Variants in BCAS3 observed in about 807,000 individuals in gnomAD.
BCAS3 encodes BCAS3 microtubule associated cell migration factor.
In BCAS3, 53 loss-of-function variants were observed where a neutral mutation model predicts 116.1. The observed-to-expected ratio is 0.46, with a 90% CI of 0.37 to 0.57. BCAS3 has a LOEUF of 0.57. Among genes scored for constraint, BCAS3 ranks in the 20% least tolerant of loss-of-function variants. The pLI is 0.00. For missense variants in BCAS3, 917 were observed against 1,165.4 expected, an observed-to-expected ratio of 0.79 and a Z score of 3.10; for synonymous variants, 391 against 408.2, an observed-to-expected ratio of 0.96 and a Z score of 0.51.
chr17:61,330,328 G>A (rs965681171), intron 22 of BCAS3, among the ~76,000 whole-genome samples: 15 of 132,956 alleles, frequency 1.1e-4, no homozygotes, highest in Non-Finnish European at 2.2e-4. Flanking sequence ...GCGCAATCAC[G>A]GCTCACTGCA....
intron 6 of BCAS3, among the ~76,000 whole-genome samples, chr17:60,777,355 T>C (rs535457500): frequency 6.6e-5 from 10 of 152,174 alleles, no homozygotes; most frequent in Non-Finnish European, 1.3e-4. Context: ...CCCAGCGTGG[T>C]GCCTCATGCC....
At chr17:60,989,821 T>A in intron 14 of BCAS3, 150 bp from the exon 15 acceptor site, 2 of 783,172 alleles carry the variant, frequency 2.6e-6, no homozygotes, top group Non-Finnish European at 4.1e-6. Context: ...GTGAAATGCA[T>A]CTGTAGAGTA....
intron 22 of BCAS3, among the ~76,000 whole-genome samples, chr17:61,216,515 T>TATTTTA (rs1168493031): frequency 2.6e-5 from 2 of 77,926 alleles, no homozygotes; most frequent in African/African-American, 9.8e-5. Context: ...AATAAGTATG[T>TATTTTA]GTTTATTTTA....
chr17:60,747,360 A>G (rs919232085), intron 6 of BCAS3, 81 bp downstream of exon 6: 5 of 1,151,760 alleles, frequency 4.3e-6, no homozygotes, highest in Non-Finnish European at 5.1e-6. Context: ...AGCAAGAATG[A>G]TAACTAAAGT....
chr17:61,306,634 G>A (rs1159783215), intron 22 of BCAS3, among the ~76,000 whole-genome samples: 2 of 151,980 alleles, frequency 1.3e-5, no homozygotes, highest in African/African-American at 4.8e-5. Context: ...AAATTAGCTG[G>A]GCATGGTGGT....
chr17:60,850,895 A>G lies in BCAS3; in HGVS notation c.477-17681A>G, dbSNP rs191746707. On this transcript the variant is annotated intron_variant, in intron 7 of 23. Coordinates refer to ENST00000407086, the MANE Select transcript of BCAS3 (RefSeq NM_017679.5). Reference sequence around the variant, plus strand: ...ATGTCATCTCTTCCTAAGTTGATCTATGCATTCAGTGCAATTCCTATAAAA... The same window carrying G: ...ATGTCATCTCTTCCTAAGTTGATCTGTGCATTCAGTGCAATTCCTATAAAA... Among the ~76,000 whole-genome samples the G allele has an allele frequency of 3.3e-5, 5 of 152,340 alleles. No individual in the cohort carries two copies. In the East Asian group the frequency reaches 9.6e-4, roughly 29 times the overall value.
chr17:61,011,924 T>C (rs1225341505), intron 15 of BCAS3, among the ~76,000 whole-genome samples: 1 of 152,096 alleles, frequency 6.6e-6, no homozygotes, highest in African/African-American at 2.4e-5. Flanking sequence ...TGGTCTAAGC[T>C]AGCTCTTTCA....
At chr17:60,860,741 T>C (rs1225895225) in intron 7 of BCAS3, among the ~76,000 whole-genome samples, 1 of 152,232 alleles carries the variant, frequency 6.6e-6, no homozygotes. Flanking sequence ...ATTTATTGAA[T>C]AGGGAGTTTT....
chr17:60,708,085 A>G (rs1015619820), intron 4 of BCAS3, among the ~76,000 whole-genome samples: 9 of 152,080 alleles, frequency 5.9e-5, no homozygotes, highest in Non-Finnish European at 1.2e-4. Flanking sequence ...GCACTTTGGG[A>G]AGCCGAGGCA....
At chr17:60,682,323 A>G (rs1344704929) in intron 2 of BCAS3, among the ~76,000 whole-genome samples, 1 of 152,196 alleles carries the variant, frequency 6.6e-6, no homozygotes, top group Non-Finnish European at 1.5e-5. Context: ...TTGAAGTTGC[A>G]TATGGCTGAA....
At chr17:60,922,823 C>T (rs2059176515) in intron 12 of BCAS3, among the ~76,000 whole-genome samples, 1 of 152,070 alleles carries the variant, frequency 6.6e-6, no homozygotes, top group Admixed American at 6.5e-5. Context: ...GGAAATAAAA[C>T]GCACTTGTAA....
At chr17:60,966,564 A>G (rs1403728215) in intron 14 of BCAS3, among the ~76,000 whole-genome samples, 2 of 152,182 alleles carry the variant, frequency 1.3e-5, no homozygotes, top group Admixed American at 6.5e-5. Flanking sequence ...TATTTTAAAG[A>G]GACTACAACT....
intron 22 of BCAS3, among the ~76,000 whole-genome samples, chr17:61,223,278 C>T (rs1436125397): frequency 6.6e-6 from 1 of 151,690 alleles, no homozygotes; most frequent in African/African-American, 2.4e-5. Flanking sequence ...CTGCCTCAGC[C>T]CCCCAATAGC....
At chr17:60,963,745 C>G (rs1012084755) in intron 14 of BCAS3, among the ~76,000 whole-genome samples, 1 of 152,020 alleles carries the variant, frequency 6.6e-6, no homozygotes, top group African/African-American at 2.4e-5. Context: ...TTAGTAGAGA[C>G]AGGCTTTCAC....
chr17:60,879,660 G>C (rs541381247), intron 9 of BCAS3, among the ~76,000 whole-genome samples: 1 of 152,334 alleles, frequency 6.6e-6, no homozygotes, highest in South Asian at 2.1e-4. Context: ...GAGATCAAAG[G>C]AGTGTACAGT....
chr17:60,874,342 GATTGT>G (rs1186435019), intron 8 of BCAS3, among the ~76,000 whole-genome samples: 1 of 152,206 alleles, frequency 6.6e-6, no homozygotes, highest in Non-Finnish European at 1.5e-5. Context: ...GGAATGTTGG[GATTGT>G]AGGCATGAGC....
chr17:60,772,745 T>C (rs999822090), intron 6 of BCAS3, among the ~76,000 whole-genome samples: 1 of 151,876 alleles, frequency 6.6e-6, no homozygotes, highest in African/African-American at 2.4e-5. Flanking sequence ...CTGGGTGTGG[T>C]GGTGTGTGTT....
chr17:60,868,550 ATTTTTCTTTCT>A lies in BCAS3; in HGVS notation c.477-16_477-6del, dbSNP rs2054832421. 6 of 1,444,848 alleles carry A rather than the reference ATTTTTCTTTCT, an allele frequency of 4.2e-6. No homozygotes were observed. Among genetic ancestry groups the A allele is most frequent in the Non-Finnish European group, 4.7e-6 (5 of 1,075,006 alleles). The allele number at this position is 1,444,848 out of a possible 1,614,324, so 89.5% of individuals were successfully genotyped here. ...GGTCTTTCTTTTTTAAAAAAATGAC[ATTTTTCTTTCT>A]TTTTTCTTTTTTAGCACAAGCCCAC... is the stretch of plus-strand genomic sequence containing the variant. On this transcript the variant is annotated splice_polypyrimidine_tract_variant and intron_variant, in intron 7 of 23. Transcript: ENST00000407086.
rs1022997819 is a variant in BCAS3 at position 61,145,325 on chromosome 17, G to A, written c.2425+60761G>A. Among the ~76,000 whole-genome samples the A allele has an allele frequency of 1.3e-5, 2 of 152,192 alleles. No homozygotes were observed. The highest frequency in any genetic ancestry group is 4.8e-5 in the African/African-American group (2 of 41,440). On this transcript the variant is annotated intron_variant, in intron 22 of 23. Transcript: ENST00000407086. The surrounding 1 kb of genome is among the most constrained non-coding windows in gnomAD (Gnocchi z 5.0). ...GTTCACATCCTGGGGCAGCAGCGGG[G>A]TCTGGCCTGCAGAAAGGAGCAGCCT...
Sources: gnomAD v4.1 joint callset for allele counts (sites outside exome capture counted in the v4.1 genomes callset) on GRCh38, gnomAD v4.1.1 for gene constraint, Gnocchi (gnomAD v3.1) non-coding constraint, MANE v1.5 for transcripts, NCBI Gene and HGNC (gene_info 2026-07-23, HGNC 2026-07-21) for gene names.